Variants in STIM1 observed in about 807,000 individuals in gnomAD.
The protein encoded by STIM1 is stromal interaction molecule 1.
STIM1 carries 25 observed loss-of-function variants against 74.7 expected under a neutral mutation model. The ratio of observed to expected loss-of-function variants is 0.33; its 90% CI spans 0.24 to 0.47. STIM1 has a LOEUF of 0.47. Ranked by LOEUF, STIM1 falls within the 20% of genes least tolerant of loss-of-function variation. STIM1 has a pLI of 1.00. For synonymous variants in STIM1, 328 were observed against 348.8 expected (o/e 0.94, Z 0.66); for missense variants, 728 against 920.8 (o/e 0.79, Z 2.71).
chr11:3,860,195 C>T (rs2090543979), intron 1 of STIM1, among the ~76,000 whole-genome samples: 1 of 152,086 alleles, frequency 6.6e-6, no homozygotes, highest in Non-Finnish European at 1.5e-5. Context: ...AAAGCCTGAA[C>T]CTAATTGTAG....
chr11:4,023,520 C>G (rs1290484007), intron 2 of STIM1, among the ~76,000 whole-genome samples: 3 of 152,200 alleles, frequency 2.0e-5, no homozygotes, highest in Middle Eastern at 6.8e-3. Flanking sequence ...AGAATATTGC[C>G]TAATTTATAA....
At chr11:3,999,130 G>C (rs2093688598) in intron 2 of STIM1, among the ~76,000 whole-genome samples, 1 of 152,180 alleles carries the variant, frequency 6.6e-6, no homozygotes. Flanking sequence ...AGGATTGCTT[G>C]AGTCTATGAG....
chr11:3,963,905 A>G (rs1253393505), intron 1 of STIM1, among the ~76,000 whole-genome samples: 2 of 152,212 alleles, frequency 1.3e-5, no homozygotes, highest in Non-Finnish European at 2.9e-5. Context: ...ATAGTCAGAC[A>G]GGGAAAGTGG....
intron 3 of STIM1, among the ~76,000 whole-genome samples, chr11:4,052,151 A>G (rs1277073184): frequency 6.6e-6 from 1 of 152,208 alleles, no homozygotes; most frequent in Non-Finnish European, 1.5e-5. Context: ...TGGATAGGAA[A>G]AATCAATATC....
intron 1 of STIM1, among the ~76,000 whole-genome samples, chr11:3,885,432 C>T (rs2135347131): frequency 6.6e-6 from 1 of 152,234 alleles, no homozygotes; most frequent in African/African-American, 2.4e-5. Context: ...AGTGATCTGC[C>T]TGCCTTGGCC....
intron 1 of STIM1, among the ~76,000 whole-genome samples, chr11:3,900,224 A>G (rs981975019): frequency 1.3e-5 from 2 of 152,268 alleles, no homozygotes; most frequent in East Asian, 1.9e-4. Context: ...CCCTGGGCGT[A>G]TGACCCTCCG....
At chr11:4,074,789 A>T (rs1031147148) in intron 7 of STIM1, 110 bp downstream of exon 7, 4 of 1,248,358 alleles carry the variant, frequency 3.2e-6, no homozygotes, top group Non-Finnish European at 4.5e-6. Context: ...TGATCCAAAG[A>T]CTATGTTCTA....
At chr11:3,868,611 C>T (rs1461195938) in intron 1 of STIM1, among the ~76,000 whole-genome samples, 2 of 152,194 alleles carry the variant, frequency 1.3e-5, no homozygotes, top group African/African-American at 4.8e-5. Context: ...TTAGTTTATT[C>T]TATCACCCAA....
chr11:3,935,696 G>A (rs1278996338), intron 1 of STIM1, among the ~76,000 whole-genome samples: 1 of 152,176 alleles, frequency 6.6e-6, no homozygotes, highest in Non-Finnish European at 1.5e-5. Context: ...CTGGAGCGTG[G>A]AAGAAGTATG....
intron 1 of STIM1, among the ~76,000 whole-genome samples, chr11:3,916,450 ATTTTT>A (rs113404071): frequency 7.9e-6 from 1 of 126,076 alleles, no homozygotes; most frequent in Non-Finnish European, 1.7e-5. Flanking sequence ...ACCACACCCA[ATTTTT>A]TTTTTTTTTT....
chr11:4,086,835 G>T (rs1360927491), intron 12 of STIM1: 3 of 1,535,286 alleles, frequency 2.0e-6, no homozygotes, highest in Admixed American at 2.0e-5. Flanking sequence ...GCACCGCTGT[G>T]ATGCCTGGGC....
At chr11:4,077,675 C>A (rs2094444716) in intron 7 of STIM1, among the ~76,000 whole-genome samples, 1 of 152,098 alleles carries the variant, frequency 6.6e-6, no homozygotes, top group Admixed American at 6.5e-5. Flanking sequence ...GATCTTTTAA[C>A]TGTATTCCAC....
intron 4 of STIM1, among the ~76,000 whole-genome samples, chr11:4,057,802 GGAGCTTGCAGT>G (rs2094302056): frequency 6.6e-6 from 1 of 151,790 alleles, no homozygotes; most frequent in Non-Finnish European, 1.5e-5. Flanking sequence ...CCCGGGAGGT[GGAGCTTGCAGT>G]GAGCTGAGAT....
chr11:4,037,913 C>G (rs1262852100), intron 3 of STIM1, among the ~76,000 whole-genome samples: 1 of 151,808 alleles, frequency 6.6e-6, no homozygotes, highest in Non-Finnish European at 1.5e-5. Flanking sequence ...TTTCTGCTTT[C>G]TTTTGGGTTA....
At chr11:3,900,664 C>T (rs369320887) in intron 1 of STIM1, among the ~76,000 whole-genome samples, 13 of 152,328 alleles carry the variant, frequency 8.5e-5, no homozygotes, top group African/African-American at 3.1e-4. Context: ...CAGCTCACTG[C>T]AGCCTTCTGG....
At chr11:4,083,015 T>C (rs146779524) in intron 9 of STIM1, 33 bp downstream of exon 9, 1 of 1,573,092 alleles carries the variant, frequency 6.4e-7, no homozygotes, top group Non-Finnish European at 8.7e-7. Context: ...TCTGGCAATG[T>C]CCATATCATC....
intron 1 of STIM1, among the ~76,000 whole-genome samples, chr11:3,882,843 G>T (rs1157657784): frequency 6.6e-6 from 1 of 152,062 alleles, no homozygotes; most frequent in Non-Finnish European, 1.5e-5. Context: ...CCATTCTTGT[G>T]GATATGAAAT....
chr11:3,859,502 G>T (rs2090516048), intron 1 of STIM1, among the ~76,000 whole-genome samples: 2 of 152,252 alleles, frequency 1.3e-5, no homozygotes, highest in Admixed American at 1.3e-4. Context: ...CTCAGGTGGA[G>T]TCTGGAGTTA....
intron 2 of STIM1, among the ~76,000 whole-genome samples, chr11:4,008,258 A>G (rs1205515671): frequency 2.0e-5 from 3 of 152,178 alleles, no homozygotes. Context: ...GCAATAGGCT[A>G]TTTCATATAA....
Sources: gnomAD v4.1 joint callset for allele counts (sites outside exome capture counted in the v4.1 genomes callset) on GRCh38, gnomAD v4.1.1 for gene constraint, MANE v1.5 for transcripts, NCBI Gene and HGNC (gene_info 2026-07-23, HGNC 2026-07-21) for gene names.